The following PDE10A variants were observed in gnomAD, a reference collection of about 807,000 sequenced individuals.
PDE10A encodes the protein cAMP and cAMP-inhibited cGMP 3',5'-cyclic phosphodiesterase 10A.
Under a neutral mutation model 97.7 loss-of-function variants are expected in PDE10A, and 39 were observed. The observed-to-expected ratio is 0.40, with a 90% CI of 0.31 to 0.52. PDE10A has a LOEUF of 0.52. Among genes scored for constraint, PDE10A ranks in the 20% least tolerant of loss-of-function variants. PDE10A has a pLI of 0.56. For missense variants in PDE10A, 731 were observed against 1,047.8 expected (o/e 0.70, Z 4.17); for synonymous variants, 371 against 376.8 (o/e 0.98, Z 0.18).
At position 165,413,647 on chromosome 6, in the gene PDE10A, G is replaced by A. The variant is rs1788071645; in HGVS notation, c.1930C>T (p.Leu644=). ...CCTCGGCTGACGATGGGCATGCACA[G>A]GATGTTCCGCGTGGTGTAGCCTGTG... ...LYTGYTTRNI[L]CMPIVSRGSV... The change falls in exon 13 of 22, where the codon CTG becomes TTG. Residue 644 remains leucine (L), a synonymous_variant. Transcript: ENST00000539869. The A allele has an allele frequency of 9.3e-6, 15 of 1,614,138 alleles. No homozygotes were observed. Among genetic ancestry groups the A allele is most frequent in the Non-Finnish European group, 1.1e-5 (13 of 1,180,000 alleles).
At chr6:165,706,052 A>G (rs1270844791) in intron 1 of PDE10A, among the ~76,000 whole-genome samples, 1 of 152,210 alleles carries the variant, frequency 6.6e-6, no homozygotes, top group Non-Finnish European at 1.5e-5. Flanking sequence ...TAGCTCTCAC[A>G]GCACCAGTGA....
intron 1 of PDE10A, among the ~76,000 whole-genome samples, chr6:165,877,729 C>T (rs544387849): frequency 3.5e-5 from 5 of 141,498 alleles, no homozygotes; most frequent in African/African-American, 1.3e-4. Context: ...TACCTCTTCA[C>T]AAAAACTGTA....
At chr6:165,595,210 C>G (rs1392821719) in intron 1 of PDE10A, among the ~76,000 whole-genome samples, 1 of 152,146 alleles carries the variant, frequency 6.6e-6, no homozygotes. Flanking sequence ...TAGCCTCAGT[C>G]CATCCTTTGC....
rs1336747054 is a variant in PDE10A at position 165,662,866 on chromosome 6, C to A, written c.-55G>T. ...CCGCGGGCGGGAGGGGCGCGGCGGG[C>A]CGGGGCTCGGTGGGCTCCGCCCCCG... On this transcript the variant is annotated 5_prime_UTR_variant, in exon 1 of 22. Coordinates refer to ENST00000539869, the MANE Select transcript of PDE10A (RefSeq NM_001385079.1). Among the ~76,000 whole-genome samples the A allele has an allele frequency of 4.0e-5, 6 of 151,046 alleles. No individual in the cohort carries two copies. Among genetic ancestry groups the A allele is most frequent in the Admixed American group, 6.6e-5 (1 of 15,228 alleles).
chr6:165,703,799 A>G (rs900256251), intron 1 of PDE10A, among the ~76,000 whole-genome samples: 3 of 152,088 alleles, frequency 2.0e-5, no homozygotes, highest in Admixed American at 6.5e-5. Context: ...CAGTCCCCCC[A>G]GTAATCAGCT....
At chr6:165,385,320 C>A (rs1330605631) in intron 17 of PDE10A, among the ~76,000 whole-genome samples, 1 of 150,754 alleles carries the variant, frequency 6.6e-6, no homozygotes, top group Non-Finnish European at 1.5e-5. Flanking sequence ...AAGTATAATA[C>A]CAAGCACAAT....
chr6:165,534,526 T>A (rs1418006569), intron 2 of PDE10A, among the ~76,000 whole-genome samples: 1 of 152,032 alleles, frequency 6.6e-6, no homozygotes. Flanking sequence ...GTATCACTAA[T>A]GAACATGATG....
chr6:165,701,609 T>C (rs1791571668), intron 1 of PDE10A, among the ~76,000 whole-genome samples: 1 of 151,998 alleles, frequency 6.6e-6, no homozygotes, highest in Non-Finnish European at 1.5e-5. Flanking sequence ...ACCAGATAGC[T>C]TGGTGTCATA....
intron 1 of PDE10A, among the ~76,000 whole-genome samples, chr6:165,833,212 A>T (rs1193378493): frequency 6.6e-6 from 1 of 152,218 alleles, no homozygotes; most frequent in Non-Finnish European, 1.5e-5. Flanking sequence ...GAAATACAGG[A>T]GGTTTTTTTC....
chr6:165,884,043 CA>C (rs1781563981), intron 1 of PDE10A, among the ~76,000 whole-genome samples: 2 of 152,076 alleles, frequency 1.3e-5, no homozygotes, highest in African/African-American at 4.8e-5. Flanking sequence ...ACCTCGAGCA[CA>C]GATGTCAAAG....
intron 1 of PDE10A, among the ~76,000 whole-genome samples, chr6:165,733,131 A>T (rs1461786153): frequency 6.6e-6 from 1 of 152,214 alleles, no homozygotes; most frequent in African/African-American, 2.4e-5. Context: ...GTGAATCCCA[A>T]CAGCTTTCTG....
chr6:165,409,157 T>TC (rs1356636036), intron 13 of PDE10A, among the ~76,000 whole-genome samples: 1 of 89,272 alleles, frequency 1.1e-5, no homozygotes, highest in Non-Finnish European at 2.1e-5. Flanking sequence ...AGGGTGAGAC[T>TC]CCATCTCAAA....
chr6:165,827,145 C>T (rs890237043), intron 1 of PDE10A, among the ~76,000 whole-genome samples: 1 of 152,196 alleles, frequency 6.6e-6, no homozygotes, highest in Non-Finnish European at 1.5e-5. Context: ...GTGGTCTAGA[C>T]GCTTCCCCTC....
intron 1 of PDE10A, among the ~76,000 whole-genome samples, chr6:165,611,827 G>A (rs544370732): frequency 3.9e-5 from 6 of 152,154 alleles, no homozygotes; most frequent in Admixed American, 1.3e-4. Flanking sequence ...GATCTCCTTC[G>A]TTCAGAATCA....
intron 2 of PDE10A, among the ~76,000 whole-genome samples, chr6:165,501,568 G>A (rs994403909): frequency 8.1e-5 from 12 of 147,706 alleles, no homozygotes; most frequent in Admixed American, 5.4e-4. Context: ...GCGAGACTCC[G>A]TCTCAAAAAA....
intron 1 of PDE10A, among the ~76,000 whole-genome samples, chr6:165,726,701 CA>C (rs1792305250): frequency 6.6e-6 from 1 of 152,238 alleles, no homozygotes. Flanking sequence ...CACTGAGAAC[CA>C]GCTTCCTGGG....
intron 1 of PDE10A, among the ~76,000 whole-genome samples, chr6:165,928,500 C>G (rs925924567): frequency 2.0e-5 from 3 of 152,154 alleles, no homozygotes; most frequent in Non-Finnish European, 4.4e-5. Flanking sequence ...CTGCTCAGCC[C>G]CTCATGCTCG....
At chr6:165,526,986 C>T (rs901717223) in intron 2 of PDE10A, among the ~76,000 whole-genome samples, 4 of 152,164 alleles carry the variant, frequency 2.6e-5, no homozygotes, top group Admixed American at 6.5e-5. Context: ...ATGCTGATTA[C>T]ATCCAGTGAG....
intron 1 of PDE10A, among the ~76,000 whole-genome samples, chr6:165,595,568 G>A (rs578158311): frequency 1.3e-5 from 2 of 152,260 alleles, no homozygotes; most frequent in South Asian, 2.1e-4. Context: ...ACCCAGACTT[G>A]TGTCATAATA....
Sources: gnomAD v4.1 joint callset for allele counts (sites outside exome capture counted in the v4.1 genomes callset) on GRCh38, gnomAD v4.1.1 for gene constraint, MANE v1.5 for transcripts, NCBI Gene and HGNC (gene_info 2026-07-23, HGNC 2026-07-21) for gene names.